Variants in KCNMB2 observed in about 807,000 individuals in gnomAD.
KCNMB2 encodes the protein potassium calcium-activated channel subfamily M regulatory beta subunit 2, also known as calcium-activated potassium channel subunit beta-2.
KCNMB2 carries 9 observed loss-of-function variants against 24.5 expected under a neutral mutation model. The ratio of observed to expected loss-of-function variants is 0.37; its 90% confidence interval spans 0.22 to 0.64. The LOEUF is 0.64. Among genes scored for constraint, KCNMB2 ranks in the 30% least tolerant of loss-of-function variants. The pLI, the probability that KCNMB2 is intolerant of heterozygous loss-of-function variation, is 0.63. For synonymous variants in KCNMB2, 109 were observed against 104.4 expected (o/e 1.04, Z -0.27); for missense variants, 226 against 284.3 (o/e 0.79, Z 1.47).
At chr3:178,592,074 G>A (rs1022303612) in intron 1 of KCNMB2, among the ~76,000 whole-genome samples, 9 of 152,146 alleles carry the variant, frequency 5.9e-5, no homozygotes, top group Middle Eastern at 3.4e-3. Flanking sequence ...CTATGGGAGG[G>A]CAAAAGAGTA....
At chr3:178,799,650 C>A (rs575933094) in intron 1 of KCNMB2, among the ~76,000 whole-genome samples, 1 of 152,248 alleles carries the variant, frequency 6.6e-6, no homozygotes, top group East Asian at 1.9e-4. Context: ...ATACCAATGA[C>A]ATTCTCCACA....
chr3:178,572,034 T>A (rs1048347771), intron 1 of KCNMB2, among the ~76,000 whole-genome samples: 1 of 152,244 alleles, frequency 6.6e-6, no homozygotes, highest in Non-Finnish European at 1.5e-5. Flanking sequence ...TAAATTACTG[T>A]ACAAGTGTAA....
At chr3:178,833,259 A>T (rs1306376776) in intron 4 of KCNMB2, among the ~76,000 whole-genome samples, 2 of 152,132 alleles carry the variant, frequency 1.3e-5, no homozygotes, top group Non-Finnish European at 2.9e-5. Context: ...TAGGCCCACA[A>T]TCATAATTCC....
At chr3:178,662,206 C>T (rs1201272384) in intron 1 of KCNMB2, among the ~76,000 whole-genome samples, 1 of 152,086 alleles carries the variant, frequency 6.6e-6, no homozygotes, top group Admixed American at 6.6e-5. Flanking sequence ...AAAGATAATC[C>T]TAAAAGTAGA....
chr3:178,577,018 T>TG (rs770295936), intron 1 of KCNMB2, among the ~76,000 whole-genome samples: 1 of 152,158 alleles, frequency 6.6e-6, no homozygotes, highest in African/African-American at 2.4e-5. Context: ...CCTCCTCAAG[T>TG]GGGTCCCTGA....
At chr3:178,644,205 A>G (rs913795040) in intron 1 of KCNMB2, among the ~76,000 whole-genome samples, 8 of 152,252 alleles carry the variant, frequency 5.3e-5, no homozygotes, top group African/African-American at 1.9e-4. Context: ...CTGGGACTTC[A>G]AGATACAGGA....
chr3:178,827,603 A>T (rs1363606871), intron 3 of KCNMB2, among the ~76,000 whole-genome samples: 4 of 152,218 alleles, frequency 2.6e-5, no homozygotes, highest in Non-Finnish European at 5.9e-5. Flanking sequence ...TGACATAATG[A>T]AAGGGTTGAG....
At chr3:178,812,118 T>G (rs1175281489) in intron 2 of KCNMB2, among the ~76,000 whole-genome samples, 2 of 152,192 alleles carry the variant, frequency 1.3e-5, no homozygotes, top group Admixed American at 6.5e-5. Context: ...AGGAATTCTT[T>G]ATAAAAGTCC....
chr3:178,834,136 T>C (rs996647695), intron 4 of KCNMB2, among the ~76,000 whole-genome samples: 1 of 152,198 alleles, frequency 6.6e-6, no homozygotes. Flanking sequence ...TTTTGGTATA[T>C]GGCATAATAC....
At chr3:178,723,852 G>T (rs1355366625) in intron 1 of KCNMB2, among the ~76,000 whole-genome samples, 1 of 152,112 alleles carries the variant, frequency 6.6e-6, no homozygotes, top group African/African-American at 2.4e-5. Context: ...GTATTCCATG[G>T]TGTATGTATA....
intron 2 of KCNMB2, among the ~76,000 whole-genome samples, chr3:178,821,188 A>C (rs1456687903): frequency 1.3e-5 from 2 of 152,184 alleles, no homozygotes; most frequent in Non-Finnish European, 2.9e-5. Context: ...ATTCATAAAG[A>C]ATAGACAGAA....
intron 1 of KCNMB2, among the ~76,000 whole-genome samples, chr3:178,588,888 T>C (rs1717558260): frequency 1.3e-5 from 2 of 152,106 alleles, no homozygotes; most frequent in African/African-American, 4.8e-5. Flanking sequence ...TATGAGATAA[T>C]GGATATGAAA....
At chr3:178,609,306 A>G (rs1194421554) in intron 1 of KCNMB2, among the ~76,000 whole-genome samples, 2 of 152,182 alleles carry the variant, frequency 1.3e-5, no homozygotes, top group East Asian at 3.9e-4. Context: ...ATGTCTATTC[A>G]AATCTTGTGC....
chr3:178,717,540 C>T (rs1722658236), intron 1 of KCNMB2, among the ~76,000 whole-genome samples: 1 of 152,070 alleles, frequency 6.6e-6, no homozygotes, highest in Non-Finnish European at 1.5e-5. Flanking sequence ...CTTCAACTCT[C>T]CCAGAGAGAA....
At chr3:178,585,357 A>G (rs1717389829) in intron 1 of KCNMB2, among the ~76,000 whole-genome samples, 1 of 152,180 alleles carries the variant, frequency 6.6e-6, no homozygotes, top group Admixed American at 6.5e-5. Flanking sequence ...TACAGAGCCA[A>G]TAGGCTTCAT....
At chr3:178,693,239 A>C (rs1394577938) in intron 1 of KCNMB2, among the ~76,000 whole-genome samples, 1 of 152,086 alleles carries the variant, frequency 6.6e-6, no homozygotes, top group Non-Finnish European at 1.5e-5. Context: ...GATGTCTTTT[A>C]TTTCTTTCTT....
At chr3:178,732,292 C>T (rs892719105) in intron 1 of KCNMB2, among the ~76,000 whole-genome samples, 49 of 152,082 alleles carry the variant, frequency 3.2e-4, no homozygotes, top group African/African-American at 1.2e-3. Context: ...TTGCAGATTC[C>T]ATATTTACAA....
intron 1 of KCNMB2, among the ~76,000 whole-genome samples, chr3:178,761,389 T>C (rs907799473): frequency 6.6e-6 from 1 of 152,242 alleles, no homozygotes; most frequent in Non-Finnish European, 1.5e-5. Flanking sequence ...ATTTCTTCTA[T>C]GCAACATCAT....
At chr3:178,548,674 T>A (rs1303503916) in intron 1 of KCNMB2, among the ~76,000 whole-genome samples, 7 of 152,210 alleles carry the variant, frequency 4.6e-5, no homozygotes, top group African/African-American at 9.6e-5. Context: ...CCTTAATCCT[T>A]TCACATTTTT....
Sources: allele counts gnomAD v4.1 joint callset (sites outside exome capture counted in the v4.1 genomes callset), GRCh38; gene constraint gnomAD v4.1.1; transcripts MANE v1.5; gene names NCBI Gene and HGNC (gene_info 2026-07-23, HGNC 2026-07-21).